Variants in ABTB3 observed in about 807,000 individuals in gnomAD.
ABTB3 encodes the protein ankyrin repeat and BTB domain containing 3.
the ABTB3 span, among the ~76,000 whole-genome samples, chr12:107,427,359 G>A: frequency 6.6e-6 from 1 of 151,826 alleles, no homozygotes; most frequent in Admixed American, 6.6e-5. Flanking sequence ...ACGGCTCACT[G>A]CAGTCCTGAA....
At chr12:107,457,267 G>C in the ABTB3 span, among the ~76,000 whole-genome samples, 1 of 152,184 alleles carries the variant, frequency 6.6e-6, no homozygotes, top group Non-Finnish European at 1.5e-5. Flanking sequence ...ATCTTTGATG[G>C]TAATGGTTGT....
the ABTB3 span, among the ~76,000 whole-genome samples, chr12:107,438,845 TG>T: frequency 1.3e-5 from 2 of 152,202 alleles, no homozygotes; most frequent in Non-Finnish European, 2.9e-5. Flanking sequence ...GCTTGTCTCT[TG>T]GGGGGAAGTT....
At chr12:107,625,956 G>A in the ABTB3 span, among the ~76,000 whole-genome samples, 13 of 152,286 alleles carry the variant, frequency 8.5e-5, no homozygotes, top group Non-Finnish European at 1.6e-4. Context: ...CTGGAGTAGA[G>A]CAGCTATTGT....
At chr12:107,534,624 A>T in the ABTB3 span, among the ~76,000 whole-genome samples, 1 of 152,226 alleles carries the variant, frequency 6.6e-6, no homozygotes, top group Non-Finnish European at 1.5e-5. Context: ...AACTGATACG[A>T]CAGAAATACA....
the ABTB3 span, among the ~76,000 whole-genome samples, chr12:107,444,182 G>A: frequency 2.0e-5 from 3 of 152,256 alleles, no homozygotes; most frequent in Admixed American, 2.0e-4. Flanking sequence ...TGGGACAGCA[G>A]AGCATGGCGA....
chr12:107,478,751 G>A, the ABTB3 span, among the ~76,000 whole-genome samples: 1 of 152,114 alleles, frequency 6.6e-6, no homozygotes, highest in East Asian at 1.9e-4. Context: ...ACCCCTTGGA[G>A]AGAGGACCCT....
chr12:107,479,302 G>C, the ABTB3 span, among the ~76,000 whole-genome samples: 1 of 151,904 alleles, frequency 6.6e-6, no homozygotes, highest in Non-Finnish European at 1.5e-5. Flanking sequence ...TCTTCTAAGA[G>C]ACATCACTAA....
the ABTB3 span, among the ~76,000 whole-genome samples, chr12:107,530,290 A>G: frequency 6.6e-6 from 1 of 152,190 alleles, no homozygotes; most frequent in Non-Finnish European, 1.5e-5. Context: ...TTCCTTTTGA[A>G]TCTTCTTGTT....
At chr12:107,323,103 C>CT in the ABTB3 span, among the ~76,000 whole-genome samples, 4 of 152,278 alleles carry the variant, frequency 2.6e-5, no homozygotes, top group South Asian at 8.3e-4. Context: ...GAAGCTATTG[C>CT]TTTTTGAGTT....
chr12:107,651,619 T>TA, the ABTB3 span: 2 of 1,276,482 alleles, frequency 1.6e-6, no homozygotes, highest in Non-Finnish European at 1.1e-6. Context: ...TCCTTATTGT[T>TA]ACCTCCTTTC....
chr12:107,600,719 A>G, the ABTB3 span, among the ~76,000 whole-genome samples: 2 of 152,162 alleles, frequency 1.3e-5, no homozygotes, highest in South Asian at 2.1e-4. Context: ...CTTGGAGAGG[A>G]GCCTTGGAAT....
chr12:107,589,978 T>C, the ABTB3 span, among the ~76,000 whole-genome samples: 1 of 152,350 alleles, frequency 6.6e-6, no homozygotes, highest in African/African-American at 2.4e-5. Context: ...GGTGTGATCT[T>C]GGCTCACTGC....
At chr12:107,403,847 GC>G in the ABTB3 span, among the ~76,000 whole-genome samples, 5 of 151,954 alleles carry the variant, frequency 3.3e-5, no homozygotes, top group African/African-American at 1.2e-4. Context: ...CTCCTTTCCT[GC>G]CCCCCTACCC....
At chr12:107,583,802 G>C in the ABTB3 span, among the ~76,000 whole-genome samples, 246 of 152,334 alleles carry the variant, frequency 1.6e-3, no homozygotes, top group African/African-American at 5.5e-3. Flanking sequence ...ACGCAGGCCA[G>C]AATGCACAGA....
At chr12:107,463,334 T>TTGA in the ABTB3 span, among the ~76,000 whole-genome samples, 1 of 151,378 alleles carries the variant, frequency 6.6e-6, no homozygotes, top group Admixed American at 6.6e-5. Flanking sequence ...GTGATGGTGG[T>TTGA]TGATGATGAT....
the ABTB3 span, among the ~76,000 whole-genome samples, chr12:107,408,181 T>C: frequency 6.2e-4 from 95 of 152,246 alleles, no homozygotes; most frequent in African/African-American, 2.1e-3. Flanking sequence ...GCCGAGATTT[T>C]CTGAGAAAGG....
the ABTB3 span, chr12:107,320,440 C>T: frequency 2.5e-6 from 1 of 401,642 alleles, no homozygotes; most frequent in South Asian, 1.8e-5. Context: ...TTTGTTTTGA[C>T]CTTGAAGATG....
the ABTB3 span, among the ~76,000 whole-genome samples, chr12:107,336,718 A>G: frequency 6.6e-6 from 1 of 152,242 alleles, no homozygotes; most frequent in Non-Finnish European, 1.5e-5. Context: ...CATCTGGCAC[A>G]TAGTAGGCAC....
At chr12:107,603,518 C>T in the ABTB3 span, among the ~76,000 whole-genome samples, 1 of 152,188 alleles carries the variant, frequency 6.6e-6, no homozygotes, top group African/African-American at 2.4e-5. Context: ...TGGATATCCA[C>T]ATGCAGAAGA....
Sources: allele counts gnomAD v4.1 joint callset (sites outside exome capture counted in the v4.1 genomes callset), GRCh38; gene constraint gnomAD v4.1.1; transcripts MANE v1.5; gene names NCBI Gene and HGNC (gene_info 2026-07-23, HGNC 2026-07-21).